Variants in ITPKB observed in about 807,000 individuals in gnomAD.
ITPKB encodes the protein inositol-trisphosphate 3-kinase B.
Under a neutral mutation model 69.4 loss-of-function variants are expected in ITPKB, and 13 were observed. The ratio of observed to expected loss-of-function variants is 0.19; its 90% CI spans 0.12 to 0.30. ITPKB has a LOEUF of 0.30. ITPKB is among the 10% of genes least tolerant of loss of function. The pLI is 1.00. For missense variants in ITPKB, 1,240 were observed against 1,250.5 expected, an observed-to-expected ratio of 0.99 and a Z score of 0.13; for synonymous variants, 584 against 513.7, an observed-to-expected ratio of 1.14 and a Z score of -1.85.
chr1:226,641,812 G>C lies in ITPKB; in HGVS notation c.2451+109C>G. The C allele has an allele frequency of 9.6e-7, 1 of 1,038,164 alleles. No individual in the cohort carries two copies. The highest frequency in any genetic ancestry group is 1.4e-6 in the Non-Finnish European group (1 of 704,986). The allele number at this position is 1,038,164 out of a possible 1,614,324, so 64.3% of individuals were successfully genotyped here. A position where few individuals can be genotyped will look rare whatever the true frequency, so the allele number is the denominator to read the frequency against. On this transcript the variant is annotated intron_variant, in intron 5 of 7. Transcript: ENST00000429204. This position sits in a 1 kb window ranked among gnomAD's most constrained non-coding sequence, Gnocchi z 4.6. ...CCTTGGGGCGGGCCACCCACATTCT[G>C]AGCCTGTGCCTGGAGAAGCTTACAG...
In ITPKB at chr1:226,736,660, A is replaced by C; in HGVS notation, c.799T>G (p.Cys267Gly). ...MEKGIPASPR[C>G]GSPTAMEIDK... ...ATTTCCATAGCTGTGGGTGAGCCAC[A>C]GCGGGGACTGGCAGGGATACCCTTC... is the stretch of plus-strand genomic sequence containing the variant. The change falls in exon 2 of 8, where the codon TGT becomes GGT. Residue 267 changes from cysteine (C) to glycine (G), a missense_variant. This residue lies in a region of ITPKB where 992 missense variants were observed against 853.8 expected (regional missense o/e 1.16). Transcript: ENST00000429204. 6.2e-7 allele frequency: 1 copy of C among 1,613,440 alleles called. No individual in the cohort carries two copies. Among genetic ancestry groups the C allele is most frequent in the East Asian group, 2.2e-5 (1 of 44,872 alleles).
chr1:226,664,755 G>A (rs1669465744), intron 2 of ITPKB, among the ~76,000 whole-genome samples: 1 of 152,204 alleles, frequency 6.6e-6, no homozygotes, highest in Non-Finnish European at 1.5e-5. Flanking sequence ...AAAAGGAAGC[G>A]AGCCGATAAA....
chr1:226,732,797 A>T (rs1195335965), intron 2 of ITPKB, among the ~76,000 whole-genome samples: 1 of 152,104 alleles, frequency 6.6e-6, no homozygotes, highest in Non-Finnish European at 1.5e-5. Flanking sequence ...GATCTCAGAG[A>T]ACAGTAAGCA....
At chr1:226,689,340 A>G (rs777848306) in intron 2 of ITPKB, among the ~76,000 whole-genome samples, 5 of 152,160 alleles carry the variant, frequency 3.3e-5, no homozygotes, top group Non-Finnish European at 7.3e-5. Flanking sequence ...ACATTTTTGG[A>G]AAGTCCTATT....
At chr1:226,711,404 A>G (rs1376144244) in intron 2 of ITPKB, among the ~76,000 whole-genome samples, 1 of 85,666 alleles carries the variant, frequency 1.2e-5, no homozygotes. Flanking sequence ...GGGTGTTTTG[A>G]AAGAGAGAGA....
Position 226,719,942 on chromosome 1 carries a change from T to G in ITPKB, c.1932+15585A>C, listed in dbSNP as rs149617473. 8.5e-3 allele frequency among the ~76,000 whole-genome samples: 1,292 copies of G among 152,340 alleles called. 21 individuals are homozygous for G. Among genetic ancestry groups the G allele is most frequent in the African/African-American group, 0.029 (1,207 of 41,578 alleles). ...TGAGTGCCTTGGGGTGCTCCCCTTT[T>G]CTGCTATCAGGGGCTTATTGCCCTG... is the stretch of plus-strand genomic sequence containing the variant. On this transcript the variant is annotated intron_variant, in intron 2 of 7. Coordinates refer to ENST00000429204, the MANE Select transcript of ITPKB (RefSeq NM_002221.4).
At chr1:226,713,045 C>T (rs900347411) in intron 2 of ITPKB, among the ~76,000 whole-genome samples, 2 of 152,024 alleles carry the variant, frequency 1.3e-5, no homozygotes, top group African/African-American at 4.8e-5. Flanking sequence ...CACACTTACC[C>T]ATATACACAC....
At chr1:226,712,542 G>A (rs1216301671) in intron 2 of ITPKB, among the ~76,000 whole-genome samples, 3 of 152,184 alleles carry the variant, frequency 2.0e-5, no homozygotes, top group African/African-American at 7.2e-5. Flanking sequence ...CCATTTTACA[G>A]CCGGGAAACA....
In ITPKB at chr1:226,703,491, C is replaced by T. The variant is rs1486805034; in HGVS notation, c.1932+32036G>A. On this transcript the variant is annotated intron_variant, in intron 2 of 7. Transcript: ENST00000429204. ...TCTTCGCCGCGGTTTCTTCCCCTGT[C>T]GCTGCCCGGCCCCCACCTCCTCTCT... Among the ~76,000 whole-genome samples the T allele has an allele frequency of 2.0e-5, 3 of 152,200 alleles. No individual in the cohort carries two copies. In the East Asian group the frequency reaches 5.8e-4, roughly 29 times the overall value.
intron 2 of ITPKB, among the ~76,000 whole-genome samples, chr1:226,675,224 G>A (rs1343197792): frequency 6.6e-6 from 1 of 151,970 alleles, no homozygotes; most frequent in African/African-American, 2.4e-5. Flanking sequence ...CGGGTGCTGA[G>A]GAGGAAGTGG....
chr1:226,666,951 T>G (rs1044871112), intron 2 of ITPKB, among the ~76,000 whole-genome samples: 6 of 152,190 alleles, frequency 3.9e-5, no homozygotes, highest in Admixed American at 3.3e-4. Flanking sequence ...GATCTGGTTG[T>G]GTTTGCCAAC....
At chr1:226,662,112 TCC>T (rs1055625292) in intron 2 of ITPKB, among the ~76,000 whole-genome samples, 4 of 151,328 alleles carry the variant, frequency 2.6e-5, no homozygotes, top group African/African-American at 7.3e-5. Context: ...TTCCTGAAAA[TCC>T]CCCCACCCAA....
At chr1:226,683,487 T>C (rs921520095) in intron 2 of ITPKB, among the ~76,000 whole-genome samples, 2 of 152,132 alleles carry the variant, frequency 1.3e-5, no homozygotes, top group African/African-American at 4.8e-5. Context: ...AGAAACAGGA[T>C]TTGAACCCAT....
chr1:226,661,672 GTTAAA>G (rs910144114), intron 2 of ITPKB, among the ~76,000 whole-genome samples: 3 of 152,192 alleles, frequency 2.0e-5, no homozygotes, highest in Non-Finnish European at 4.4e-5. Flanking sequence ...TGTTTTCAGG[GTTAAA>G]TTAAATTCTC....
chr1:226,645,559 C>A (rs1431192407), intron 4 of ITPKB, among the ~76,000 whole-genome samples: 1 of 152,198 alleles, frequency 6.6e-6, no homozygotes, highest in East Asian at 1.9e-4. Context: ...ACAGGCCGTA[C>A]TTTTTTGGCC....
intron 2 of ITPKB, among the ~76,000 whole-genome samples, chr1:226,670,303 G>A (rs1045862021): frequency 4.6e-5 from 7 of 151,702 alleles, no homozygotes; most frequent in African/African-American, 1.5e-4. Context: ...GACCTTTTGG[G>A]AAAGCAGCCC....
intron 2 of ITPKB, among the ~76,000 whole-genome samples, chr1:226,703,459 G>C (rs1303260523): frequency 2.0e-5 from 3 of 152,210 alleles, no homozygotes; most frequent in Non-Finnish European, 4.4e-5. Context: ...GCTCTACAGG[G>C]GGCTTTTCTT....
At position 226,637,767 on chromosome 1, in the gene ITPKB, GAC is replaced by G. The variant is rs770439561; in HGVS notation, c.2554-19_2554-18del. On this transcript the variant is annotated intron_variant, in intron 6 of 7. Transcript: ENST00000429204. This position sits in a 1 kb window ranked among gnomAD's most constrained non-coding sequence, Gnocchi z 4.3. ...ATAGGCGATCTGGGAATAGAAAGAGGACCAGATTTTTAAGCGCCGCGTGGGGA... is the reference window on the plus strand; with the variant it reads ...ATAGGCGATCTGGGAATAGAAAGAGGCAGATTTTTAAGCGCCGCGTGGGGA... The G allele has an allele frequency of 3.7e-6, 6 of 1,605,690 alleles. No individual in the cohort carries two copies. Among genetic ancestry groups the G allele is most frequent in the Non-Finnish European group, 5.1e-6 (6 of 1,172,940 alleles).
At position 226,637,475 on chromosome 1, in the gene ITPKB, G is replaced by T. The variant is rs1487733114; in HGVS notation, c.2625+204C>A. ...AGGAGAAAGGGGGCAATAGCCAGGG[G>T]TCTCAGGCAGGACAGCCCGTGTGGT... On this transcript the variant is annotated intron_variant, in intron 7 of 7. Transcript: ENST00000429204. This position sits in a 1 kb window ranked among gnomAD's most constrained non-coding sequence, Gnocchi z 4.3. Among the ~76,000 whole-genome samples, 1 of 152,226 alleles carries T rather than the reference G, an allele frequency of 6.6e-6. No individual in the cohort carries two copies.
Sources: gnomAD v4.1 joint callset for allele counts (sites outside exome capture counted in the v4.1 genomes callset) on GRCh38, gnomAD v4.1.1 for gene constraint, gnomAD v4.1.1 regional missense constraint, Gnocchi (gnomAD v3.1) non-coding constraint, MANE v1.5 for transcripts, NCBI Gene and HGNC (gene_info 2026-07-23, HGNC 2026-07-21) for gene names.